ALCAM: variants seen among roughly 807,000 people sequenced by gnomAD.
ALCAM encodes the protein activated leukocyte cell adhesion molecule, also known as CD166 antigen.
ALCAM carries 30 observed loss-of-function variants against 70.9 expected under a neutral mutation model. The observed-to-expected ratio is 0.42, with a 90% CI of 0.32 to 0.57. The LOEUF (loss-of-function observed/expected upper bound fraction) is 0.57, where lower values mean the gene tolerates loss of function less well. Among genes scored for constraint, ALCAM ranks in the 20% least tolerant of loss-of-function variants. ALCAM has a pLI of 0.11. For missense variants in ALCAM, 591 were observed against 695.1 expected (o/e 0.85, Z 1.68); for synonymous variants, 249 against 242.5 (o/e 1.03, Z -0.25).
In ALCAM at chr3:105,524,257, G is replaced by A. The variant is rs895126374; in HGVS notation, c.175-32G>A. On this transcript the variant is annotated intron_variant, in intron 2 of 15. Transcript: ENST00000306107. ...AATCCTGAAACATCTGAATATGCTT[G>A]TGTTTAAATGTATTATTATTTTAAT... The A allele has an allele frequency of 5.2e-6, 8 of 1,527,008 alleles. No individual in the cohort carries two copies. In the African/African-American group the frequency reaches 9.8e-5, roughly 19 times the overall value. 94.6% of individuals were successfully genotyped at this position (1,527,008 alleles called of 1,614,324 possible).
chr3:105,483,995 T>A (rs1334634061), intron 1 of ALCAM, among the ~76,000 whole-genome samples: 1 of 152,104 alleles, frequency 6.6e-6, no homozygotes, highest in African/African-American at 2.4e-5. Context: ...TCTCATGTTT[T>A]TTCTTTATTT....
At chr3:105,520,975 AG>A (rs1939520485) in intron 2 of ALCAM, among the ~76,000 whole-genome samples, 1 of 152,226 alleles carries the variant, frequency 6.6e-6, no homozygotes, top group South Asian at 2.1e-4. Flanking sequence ...GTATTTGCAA[AG>A]GAAAAGAATT....
chr3:105,386,661 A>T (rs1935663372), intron 1 of ALCAM, among the ~76,000 whole-genome samples: 1 of 148,104 alleles, frequency 6.8e-6, no homozygotes, highest in African/African-American at 2.5e-5. Flanking sequence ...TACCACCATA[A>T]ATATATATAT....
intron 1 of ALCAM, among the ~76,000 whole-genome samples, chr3:105,440,353 T>G (rs1937144640): frequency 6.6e-6 from 1 of 152,184 alleles, no homozygotes; most frequent in Non-Finnish European, 1.5e-5. Context: ...AAGCAAAATA[T>G]TCATTGATTA....
chr3:105,539,286 T>G (rs1203351246), intron 6 of ALCAM, among the ~76,000 whole-genome samples: 2 of 152,114 alleles, frequency 1.3e-5, no homozygotes, highest in Non-Finnish European at 2.9e-5. Context: ...TTTAATTTCA[T>G]TAGCATTCTA....
chr3:105,401,346 C>T (rs1427662717), intron 1 of ALCAM, among the ~76,000 whole-genome samples: 1 of 152,172 alleles, frequency 6.6e-6, no homozygotes, highest in Non-Finnish European at 1.5e-5. Flanking sequence ...TACACAACTA[C>T]TTGGGAAGTT....
chr3:105,418,949 C>T (rs966957057), intron 1 of ALCAM, among the ~76,000 whole-genome samples: 70 of 151,778 alleles, frequency 4.6e-4, no homozygotes, highest in African/African-American at 1.5e-3. Context: ...ACAAATAAAC[C>T]TTCCTTATCA....
chr3:105,392,403 G>C (rs1935845651), intron 1 of ALCAM, among the ~76,000 whole-genome samples: 1 of 151,506 alleles, frequency 6.6e-6, no homozygotes, highest in African/African-American at 2.4e-5. Flanking sequence ...TATTTCTGTG[G>C]GTTCAGTGGT....
At chr3:105,551,633 C>T (rs73175451) in intron 12 of ALCAM, among the ~76,000 whole-genome samples, 15,279 of 151,528 alleles carry the variant, frequency 0.1, 980 homozygotes, top group Middle Eastern at 0.17. Flanking sequence ...TTGCAAACAT[C>T]ATGTATGTTG....
Position 105,571,845 on chromosome 3 carries a change from C to G in ALCAM, c.1665-7C>G. ...AATATGATGAAGTTTATTTAATTCT[C>G]TTACAGGACTGCATCAAAACATGTA... On this transcript the variant is annotated splice_polypyrimidine_tract_variant and splice_region_variant and intron_variant, in intron 14 of 15. Transcript: ENST00000306107. The G allele has an allele frequency of 1.3e-6, 2 of 1,593,614 alleles. No homozygotes were observed. The highest frequency in any genetic ancestry group is 1.7e-6 in the Non-Finnish European group (2 of 1,164,024).
At chr3:105,405,277 C>CAAAAAAAAAAAA (rs35101188) in intron 1 of ALCAM, among the ~76,000 whole-genome samples, 4 of 65,270 alleles carry the variant, frequency 6.1e-5, no homozygotes, top group Non-Finnish European at 8.1e-5. Flanking sequence ...AACTTCGTCT[C>CAAAAAAAAAAAA]AAAAAAAAAA....
intron 1 of ALCAM, among the ~76,000 whole-genome samples, chr3:105,463,344 G>T (rs1040325296): frequency 1.3e-5 from 2 of 151,310 alleles, no homozygotes; most frequent in African/African-American, 4.8e-5. Flanking sequence ...TGCTCTGATG[G>T]AATTTTTATC....
chr3:105,442,689 G>T (rs1204068748), intron 1 of ALCAM, among the ~76,000 whole-genome samples: 1 of 152,068 alleles, frequency 6.6e-6, no homozygotes, highest in South Asian at 2.1e-4. Context: ...GCTGAGGCAG[G>T]AGAATGATGT....
chr3:105,463,195 C>T (rs186830281), intron 1 of ALCAM, among the ~76,000 whole-genome samples: 433 of 151,464 alleles, frequency 2.9e-3, no homozygotes, highest in Admixed American at 5.4e-3. Context: ...CCCAAAGGAC[C>T]ATTCCAGTAT....
Position 105,574,688 on chromosome 3 carries a change from G to A in ALCAM, c.*237G>A, listed in dbSNP as rs1019880130. The A allele has an allele frequency of 2.6e-5, 4 of 152,548 alleles. No individual in the cohort carries two copies. Among genetic ancestry groups the A allele is most frequent in the African/African-American group, 9.7e-5 (4 of 41,424 alleles). The allele number at this position is 152,548 out of a possible 1,614,324, so 9.4% of individuals were successfully genotyped here. On this transcript the variant is annotated 3_prime_UTR_variant, in exon 16 of 16. Transcript: ENST00000306107. ...TGGCAGCCATGATAATAGGTCATAT[G>A]TTGTGTTTGGTTCAATTTTTTTTCC...
At chr3:105,568,593 G>T (rs1443369709) in intron 14 of ALCAM, among the ~76,000 whole-genome samples, 1 of 152,136 alleles carries the variant, frequency 6.6e-6, no homozygotes, top group African/African-American at 2.4e-5. Context: ...TGCTATTCAG[G>T]GGGTCATCCA....
At chr3:105,420,272 A>G (rs1486598320) in intron 1 of ALCAM, among the ~76,000 whole-genome samples, 1 of 151,640 alleles carries the variant, frequency 6.6e-6, no homozygotes, top group East Asian at 1.9e-4. Context: ...TATTAAAAAA[A>G]TGGTCTTCTC....
chr3:105,398,349 A>C (rs1936005245), intron 1 of ALCAM, among the ~76,000 whole-genome samples: 1 of 152,072 alleles, frequency 6.6e-6, no homozygotes, highest in South Asian at 2.1e-4. Context: ...GTATGTGGAT[A>C]GTGCACAAAT....
intron 9 of ALCAM, among the ~76,000 whole-genome samples, 190 bp downstream of exon 9, chr3:105,545,525 C>T (rs1274394249): frequency 1.3e-5 from 2 of 151,192 alleles, no homozygotes; most frequent in Non-Finnish European, 3.0e-5. Context: ...ACGGTGACAT[C>T]CATAATTGGT....
Sources: gnomAD v4.1 joint callset for allele counts (sites outside exome capture counted in the v4.1 genomes callset) on GRCh38, gnomAD v4.1.1 for gene constraint, MANE v1.5 for transcripts, NCBI Gene and HGNC (gene_info 2026-07-23, HGNC 2026-07-21) for gene names.